Variants in GRIA1 observed in about 807,000 individuals in gnomAD.
GRIA1 encodes the protein glutamate receptor 1.
In GRIA1, 31 loss-of-function variants were observed where a neutral mutation model predicts 99.2. The observed-to-expected ratio is 0.31, with a 90% confidence interval of 0.23 to 0.42. The LOEUF (loss-of-function observed/expected upper bound fraction) is 0.42. Among genes scored for constraint, GRIA1 ranks in the 10% least tolerant of loss-of-function variants. The pLI is 1.00. For synonymous variants in GRIA1, 438 were observed against 432.4 expected (o/e 1.01, Z -0.16); for missense variants, 782 against 1,157.5 (o/e 0.68, Z 4.71).
chr5:153,656,383 T>TTATATA (rs60245651), intron 5 of GRIA1, among the ~76,000 whole-genome samples: 2,605 of 92,308 alleles, frequency 0.028, 84 homozygotes, highest in East Asian at 0.13. Context: ...ATAAGTTTGT[T>TTATATA]TATATATATA....
chr5:153,731,854 T>G (rs1761055980), intron 11 of GRIA1, among the ~76,000 whole-genome samples: 1 of 152,140 alleles, frequency 6.6e-6, no homozygotes, highest in African/African-American at 2.4e-5. Context: ...CGGAACTTAT[T>G]ATTCGTTTTA....
intron 11 of GRIA1, among the ~76,000 whole-genome samples, chr5:153,748,926 G>T (rs1335003955): frequency 6.6e-6 from 1 of 152,168 alleles, no homozygotes; most frequent in African/African-American, 2.4e-5. Context: ...AGGGGATAGA[G>T]ATCTAAATTG....
At chr5:153,591,532 G>A (rs1012839474) in intron 2 of GRIA1, among the ~76,000 whole-genome samples, 1 of 152,108 alleles carries the variant, frequency 6.6e-6, no homozygotes, top group Non-Finnish European at 1.5e-5. Context: ...TATTTATCTT[G>A]TATATGCCTT....
chr5:153,782,438 A>G (rs1764691997), intron 13 of GRIA1, among the ~76,000 whole-genome samples: 1 of 152,190 alleles, frequency 6.6e-6, no homozygotes, highest in Admixed American at 6.5e-5. Context: ...TTCCAGTCTA[A>G]TGTTGACATG....
chr5:153,774,625 G>T (rs193237997), intron 13 of GRIA1, among the ~76,000 whole-genome samples: 18 of 152,248 alleles, frequency 1.2e-4, no homozygotes, highest in African/African-American at 3.6e-4. Context: ...TCCACTACTT[G>T]CTCTCCATAA....
At chr5:153,593,280 A>G (rs1311292211) in intron 2 of GRIA1, among the ~76,000 whole-genome samples, 3 of 152,128 alleles carry the variant, frequency 2.0e-5, no homozygotes, top group Non-Finnish European at 4.4e-5. Flanking sequence ...AAAATAAAAA[A>G]TAATAATAAA....
At chr5:153,655,719 C>A in intron 4 of GRIA1, 100 bp from the exon 5 acceptor site, 1 of 928,514 alleles carries the variant, frequency 1.1e-6, no homozygotes, top group Non-Finnish European at 1.8e-6. Context: ...TAGGGTAGGG[C>A]ACATTGTAAG....
chr5:153,686,057 T>C (rs1488235364), intron 7 of GRIA1, among the ~76,000 whole-genome samples, 168 bp from the exon 8 acceptor site: 2 of 152,224 alleles, frequency 1.3e-5, no homozygotes, highest in African/African-American at 4.8e-5. Context: ...AGATCTGTAA[T>C]GCATCCCTTG....
intron 5 of GRIA1, among the ~76,000 whole-genome samples, chr5:153,663,425 T>C (rs896530379): frequency 4.6e-5 from 7 of 152,238 alleles, no homozygotes; most frequent in Non-Finnish European, 8.8e-5. Flanking sequence ...AACTCCTTTC[T>C]TCCTTAAACT....
At chr5:153,745,603 A>T (rs1038271704) in intron 11 of GRIA1, among the ~76,000 whole-genome samples, 1 of 151,020 alleles carries the variant, frequency 6.6e-6, no homozygotes, top group Non-Finnish European at 1.5e-5. Context: ...AAAAAAAAAA[A>T]AAAAAAAAAG....
chr5:153,705,827 T>C lies in GRIA1; in HGVS notation c.1583T>C (p.Val528Ala). The C allele has an allele frequency of 6.2e-7, 1 of 1,614,020 alleles. No homozygotes were observed. The highest frequency in any genetic ancestry group is 8.5e-7 in the Non-Finnish European group (1 of 1,180,000). ...AAACCACAGAAATCCAAGCCGGGTG[T>C]CTTCTCCTTCCTTGATCCTTTGGCT... Reference protein sequence around the residue: ...IKKPQKSKPGVFSFLDPLAYE... With the variant: ...IKKPQKSKPGAFSFLDPLAYE... The change falls in exon 11 of 16, where the codon GTC becomes GCC. Residue 528 changes from valine (V) to alanine (A), a missense_variant. Around this residue, in one of 5 missense-constraint regions of GRIA1, gnomAD observed 87 missense variants for 184.5 expected, o/e 0.47. Coordinates refer to ENST00000285900, the MANE Select transcript of GRIA1 (RefSeq NM_000827.4).
intron 2 of GRIA1, among the ~76,000 whole-genome samples, chr5:153,501,150 T>G (rs1754978048): frequency 6.6e-6 from 1 of 152,218 alleles, no homozygotes; most frequent in African/African-American, 2.4e-5. Context: ...ATGCAAATGC[T>G]GAAGCATTAT....
intron 2 of GRIA1, among the ~76,000 whole-genome samples, chr5:153,600,803 G>A (rs1764885709): frequency 6.6e-6 from 1 of 152,172 alleles, no homozygotes; most frequent in Non-Finnish European, 1.5e-5. Context: ...AATGAGCTTT[G>A]CACAGAGATT....
chr5:153,715,732 T>C (rs1040749149), intron 11 of GRIA1, among the ~76,000 whole-genome samples: 3 of 152,214 alleles, frequency 2.0e-5, no homozygotes, highest in African/African-American at 4.8e-5. Flanking sequence ...ATAGTTACCA[T>C]GTCTGTTTCT....
chr5:153,704,911 G>A (rs1225758123), intron 10 of GRIA1, among the ~76,000 whole-genome samples: 3 of 152,078 alleles, frequency 2.0e-5, no homozygotes, highest in Admixed American at 2.0e-4. Flanking sequence ...CTGAGGGTGG[G>A]GACCATAGTC....
At position 153,698,075 on chromosome 5, in the gene GRIA1, T is replaced by C; in HGVS notation, c.1166T>C (p.Val389Ala). 6.2e-7 allele frequency: 1 copy of C among 1,609,384 alleles called. No individual in the cohort carries two copies. The highest frequency in any genetic ancestry group is 1.1e-5 in the South Asian group (1 of 90,960). Reference protein sequence around the residue: ...IGYWNEDDKFVPAATDAQAGG... With the variant: ...IGYWNEDDKFAPAATDAQAGG... ...TACTGGAATGAAGATGATAAGTTTG[T>C]CCCTGCAGCCACCGATGCCCAAGCT... Residue 389 changes from valine to alanine, a missense_variant, in exon 9 of 16, where the codon GTC becomes GCC. This residue lies in a region of GRIA1 where 461 missense variants were observed against 521.7 expected (regional missense o/e 0.88). Coordinates refer to ENST00000285900, the MANE Select transcript of GRIA1 (RefSeq NM_000827.4).
chr5:153,660,189 GC>G (rs1230781075), intron 5 of GRIA1, among the ~76,000 whole-genome samples: 2 of 152,140 alleles, frequency 1.3e-5, no homozygotes, highest in African/African-American at 2.4e-5. Context: ...AGATGATCAG[GC>G]TAACCTGATG....
intron 2 of GRIA1, among the ~76,000 whole-genome samples, chr5:153,530,075 C>G (rs1367221382): frequency 6.6e-6 from 1 of 152,192 alleles, no homozygotes; most frequent in Admixed American, 6.6e-5. Context: ...ACTGTGAGCA[C>G]TTGTGCTGTG....
At chr5:153,667,916 G>T (rs1301255816) in intron 5 of GRIA1, among the ~76,000 whole-genome samples, 1 of 152,046 alleles carries the variant, frequency 6.6e-6, no homozygotes, top group Non-Finnish European at 1.5e-5. Flanking sequence ...AATTATAATT[G>T]GCATATGATA....
Sources: allele counts gnomAD v4.1 joint callset (sites outside exome capture counted in the v4.1 genomes callset), GRCh38; gene constraint gnomAD v4.1.1; regional missense constraint gnomAD v4.1.1; transcripts MANE v1.5; gene names NCBI Gene and HGNC (gene_info 2026-07-23, HGNC 2026-07-21).